Variants in KCNQ5 observed in about 807,000 individuals in gnomAD.
KCNQ5 encodes potassium voltage-gated channel subfamily KQT member 5.
Under a neutral mutation model 98.2 loss-of-function variants are expected in KCNQ5, and 30 were observed. The observed-to-expected ratio is 0.31, with a 90% CI of 0.23 to 0.41. The LOEUF (loss-of-function observed/expected upper bound fraction) is 0.41. KCNQ5 is among the 10% of genes least tolerant of loss of function. KCNQ5 has a pLI of 1.00. For missense variants in KCNQ5, 835 were observed against 1,182.5 expected, an observed-to-expected ratio of 0.71 and a Z score of 4.31; for synonymous variants, 458 against 449.4, an observed-to-expected ratio of 1.02 and a Z score of -0.24.
intron 11 of KCNQ5, among the ~76,000 whole-genome samples, chr6:73,175,398 C>CA (rs892705189): frequency 1.3e-5 from 2 of 152,118 alleles, no homozygotes; most frequent in Admixed American, 1.3e-4. Context: ...GATCTGCCCC[C>CA]CCCTTGGCTT....
chr6:73,117,355 A>T (rs1311822443), intron 7 of KCNQ5, among the ~76,000 whole-genome samples: 1 of 152,194 alleles, frequency 6.6e-6, no homozygotes, highest in Non-Finnish European at 1.5e-5. Flanking sequence ...CAGCCATGTG[A>T]CAGATGCCAC....
rs760525010 is a variant in KCNQ5, at chr6:72,739,973, C to T, written c.398+117386C>T. Among the ~76,000 whole-genome samples the T allele has an allele frequency of 5.7e-4, 87 of 152,276 alleles. 1 individual carries two copies. The highest frequency in any genetic ancestry group is 3.9e-3 in the Admixed American group (59 of 15,296). ...ATAAATTTATTATCTCACAGATTCT[C>T]GAGGTCAGGACTGTAGGCAAGACTT... is the stretch of plus-strand genomic sequence containing the variant. On this transcript the variant is annotated intron_variant, in intron 1 of 13. Coordinates refer to ENST00000370398, the MANE Select transcript of KCNQ5 (RefSeq NM_019842.4).
intron 10 of KCNQ5, chr6:73,134,978 T>G (rs1369280841): frequency 6.6e-6 from 1 of 152,248 alleles, no homozygotes; most frequent in Admixed American, 6.5e-5. Context: ...TGACAGGGCT[T>G]TATGTTGCAC....
chr6:72,761,730 A>G (rs111620933), intron 1 of KCNQ5, among the ~76,000 whole-genome samples: 5 of 152,150 alleles, frequency 3.3e-5, no homozygotes, highest in East Asian at 1.9e-4. Flanking sequence ...TACAATATGC[A>G]TATTTTTTTG....
At chr6:72,907,915 T>TG (rs2150201951) in intron 1 of KCNQ5, among the ~76,000 whole-genome samples, 1 of 152,218 alleles carries the variant, frequency 6.6e-6, no homozygotes, top group Non-Finnish European at 1.5e-5. Flanking sequence ...AAAAACTTAG[T>TG]GGTGCCTTTT....
At chr6:73,134,050 T>C in intron 10 of KCNQ5, 1 of 467,174 alleles carries the variant, frequency 2.1e-6, no homozygotes, top group South Asian at 1.6e-5. Context: ...GTAAGGAGGA[T>C]GATCATTTCT....
At chr6:72,731,417 C>A (rs1433368356) in intron 1 of KCNQ5, among the ~76,000 whole-genome samples, 2 of 152,188 alleles carry the variant, frequency 1.3e-5, no homozygotes, top group Non-Finnish European at 2.9e-5. Flanking sequence ...TGTCTTTCAA[C>A]ACAATAAAGG....
intron 1 of KCNQ5, among the ~76,000 whole-genome samples, chr6:72,832,918 C>T (rs1776347098): frequency 6.6e-6 from 1 of 152,170 alleles, no homozygotes; most frequent in African/African-American, 2.4e-5. Context: ...AAACAGCATA[C>T]CCATGTACTT....
chr6:72,905,330 C>T (rs906195894), intron 1 of KCNQ5, among the ~76,000 whole-genome samples: 12 of 152,188 alleles, frequency 7.9e-5, no homozygotes, highest in Middle Eastern at 3.4e-3. Flanking sequence ...TCTCTAGTGC[C>T]TGCCTGATTA....
At chr6:72,845,017 C>T (rs117390136) in intron 1 of KCNQ5, among the ~76,000 whole-genome samples, 2,507 of 152,190 alleles carry the variant, frequency 0.016, 19 homozygotes, top group Non-Finnish European at 0.026. Context: ...ATTGCAACTG[C>T]CAAAATAACT....
rs117722212 is a variant in KCNQ5, at chr6:72,680,130, C to T, written c.398+57543C>T. On this transcript the variant is annotated intron_variant, in intron 1 of 13. Transcript: ENST00000370398. ...AACAACCATTATCACTATGGGATTC[C>T]GAAATATTTTTATTATTCTAAAAAA... 4.5e-3 allele frequency among the ~76,000 whole-genome samples: 678 copies of T among 152,222 alleles called. 3 individuals carry two copies. The highest frequency in any genetic ancestry group is 7.5e-3 in the Non-Finnish European group (507 of 68,006).
chr6:72,781,002 G>A (rs556201322), intron 1 of KCNQ5, among the ~76,000 whole-genome samples: 3 of 152,214 alleles, frequency 2.0e-5, no homozygotes, highest in African/African-American at 7.2e-5. Context: ...TAAATCTTCT[G>A]ACACTAATAA....
intron 1 of KCNQ5, among the ~76,000 whole-genome samples, chr6:72,908,387 G>T (rs1779788630): frequency 6.6e-6 from 1 of 152,056 alleles, no homozygotes; most frequent in Non-Finnish European, 1.5e-5. Context: ...AATTATGCGA[G>T]ATAATAGATA....
intron 1 of KCNQ5, among the ~76,000 whole-genome samples, chr6:72,811,568 C>T (rs1322993338): frequency 2.0e-5 from 3 of 152,154 alleles, no homozygotes; most frequent in African/African-American, 7.2e-5. Context: ...TAAGAGACTC[C>T]TCTCAGAATG....
intron 1 of KCNQ5, among the ~76,000 whole-genome samples, chr6:72,963,648 CT>C (rs1390731338): frequency 6.6e-6 from 1 of 151,462 alleles, no homozygotes; most frequent in African/African-American, 2.4e-5. Flanking sequence ...TTAATCACAG[CT>C]TTTATTTTAT....
At chr6:72,758,336 C>T (rs905017307) in intron 1 of KCNQ5, among the ~76,000 whole-genome samples, 2 of 152,084 alleles carry the variant, frequency 1.3e-5, no homozygotes, top group African/African-American at 2.4e-5. Flanking sequence ...TCATCTAATG[C>T]GCTTTAACAC....
intron 1 of KCNQ5, among the ~76,000 whole-genome samples, chr6:72,938,047 T>G (rs992651430): frequency 5.3e-5 from 8 of 152,216 alleles, no homozygotes; most frequent in Non-Finnish European, 7.3e-5. Flanking sequence ...TACAAGGTTG[T>G]TCTGATGAAA....
chr6:72,622,644 C>A lies in KCNQ5; in HGVS notation c.398+57C>A. On this transcript the variant is annotated intron_variant, in intron 1 of 13. Coordinates refer to ENST00000370398, the MANE Select transcript of KCNQ5 (RefSeq NM_019842.4). This position sits in a 1 kb window ranked among gnomAD's most constrained non-coding sequence, Gnocchi z 6.0. ...GCAGGGGACCACTGTCCCTGGCCCCCTGGGGCGTGCTCCGCGCTCGCGCCC... is the reference window on the plus strand; with the variant it reads ...GCAGGGGACCACTGTCCCTGGCCCCATGGGGCGTGCTCCGCGCTCGCGCCC... 8.2e-6 allele frequency: 13 copies of A among 1,589,594 alleles called. No homozygotes were observed. In the South Asian group the frequency reaches 1.4e-4, roughly 17 times the overall value.
intron 5 of KCNQ5, among the ~76,000 whole-genome samples, chr6:73,083,797 G>A (rs539431144): frequency 2.6e-5 from 4 of 152,170 alleles, no homozygotes; most frequent in African/African-American, 9.6e-5. Context: ...GAATAACAAG[G>A]CTGTCTCATA....
Sources: allele counts gnomAD v4.1 joint callset (sites outside exome capture counted in the v4.1 genomes callset), GRCh38; gene constraint gnomAD v4.1.1; non-coding constraint Gnocchi (gnomAD v3.1); transcripts MANE v1.5; gene names NCBI Gene and HGNC (gene_info 2026-07-23, HGNC 2026-07-21).